Variants in TTC7A observed in about 807,000 individuals in gnomAD.
TTC7A encodes the protein tetratricopeptide repeat protein 7A.
TTC7A carries 110 observed loss-of-function variants against 103.7 expected under a neutral mutation model. That is an observed-to-expected ratio of 1.06 (90% CI 0.91 to 1.24). The LOEUF (loss-of-function observed/expected upper bound fraction) is 1.24. Ranked by LOEUF, TTC7A falls within the 50% of genes most tolerant of loss-of-function variation. TTC7A has a pLI of 0.00. For synonymous variants in TTC7A, 521 were observed against 467.9 expected (o/e 1.11, Z -1.47); for missense variants, 1,340 against 1,116.3 (o/e 1.20, Z -2.86).
chr2:46,949,194 G>A (rs1167946328), intron 1 of TTC7A, among the ~76,000 whole-genome samples: 1 of 152,190 alleles, frequency 6.6e-6, no homozygotes, highest in African/African-American at 2.4e-5. Flanking sequence ...CGAGTTTTCA[G>A]TGTGGTAAAG....
Position 46,941,600 on chromosome 2 carries a change from GC to G in TTC7A, c.61del (p.Arg21AlafsTer19), listed in dbSNP as rs1326014445. The part of the protein sequence containing the change: ...YLKVESELER[C>X]RAEGHWDRMP... ...AAGGTGGAGAGCGAGCTGGAGCGCTGCCGCGCCGAGGGCCACTGGGACCGCA... is the reference window on the plus strand; with the variant it reads ...AAGGTGGAGAGCGAGCTGGAGCGCTGCGCGCCGAGGGCCACTGGGACCGCA... On this transcript the variant is annotated frameshift_variant, in exon 1 of 20. Coordinates refer to ENST00000319190, the MANE Select transcript of TTC7A (RefSeq NM_020458.4). LOFTEE classifies it high-confidence loss of function. The surrounding 1 kb of genome is among the most constrained non-coding windows in gnomAD (Gnocchi z 4.2). 6.4e-7 allele frequency: 1 copy of G among 1,556,812 alleles called. No individual in the cohort carries two copies. Among genetic ancestry groups the G allele is most frequent in the African/African-American group, 1.4e-5 (1 of 73,416 alleles).
chr2:46,946,172 C>T (rs1670922392), intron 1 of TTC7A, among the ~76,000 whole-genome samples: 1 of 152,048 alleles, frequency 6.6e-6, no homozygotes, highest in Non-Finnish European at 1.5e-5. Context: ...GTAAATGGGG[C>T]TTTGGGGCTT....
rs1675152486 is a variant in TTC7A, at chr2:46,987,654, G to A, written c.765-5796G>A. ...GAACCAGGTGGGCAGCAGGTTTTGT[G>A]CTTGTTCTTTTAATTTTGTTTTAAT... On this transcript the variant is annotated intron_variant, in intron 5 of 19. Transcript: ENST00000319190. Among the ~76,000 whole-genome samples, 4 of 152,198 alleles carry A rather than the reference G, an allele frequency of 2.6e-5. No homozygotes were observed. The South Asian group carries it at 8.3e-4, about 31-fold the overall frequency.
At chr2:46,939,658 T>C (rs576766471), upstream of TTC7A, among the ~76,000 whole-genome samples, 3 of 152,266 alleles carry the variant, frequency 2.0e-5, no homozygotes, top group East Asian at 5.8e-4. Flanking sequence ...CTCCCTCTTA[T>C]CAACCCTGCT....
chr2:46,972,291 C>G (rs1204645946), intron 3 of TTC7A, among the ~76,000 whole-genome samples: 1 of 150,466 alleles, frequency 6.6e-6, no homozygotes, highest in Non-Finnish European at 1.5e-5. Flanking sequence ...TTCTGTGTTT[C>G]TTACAGATTG....
intron 2 of TTC7A, among the ~76,000 whole-genome samples, chr2:46,930,965 CCAATGAAGA>C (rs1390059173): frequency 3.0e-4 from 45 of 152,138 alleles, no homozygotes; most frequent in African/African-American, 1.1e-3. Context: ...TGACCAAAAG[CCAATGAAGA>C]CAGTTCCAGA....
rs1014646586 is a variant in TTC7A at position 47,075,644 on chromosome 2, G to C, written c.*1721G>C. The C allele has an allele frequency of 6.6e-6, 1 of 152,332 alleles. No homozygotes were observed. Among genetic ancestry groups the C allele is most frequent in the Non-Finnish European group, 1.5e-5 (1 of 68,092 alleles). The allele number at this position is 152,332 out of a possible 1,614,324, so 9.4% of individuals were successfully genotyped here. On this transcript the variant is annotated 3_prime_UTR_variant, in exon 20 of 20. Coordinates refer to ENST00000319190, the MANE Select transcript of TTC7A (RefSeq NM_020458.4). ...GCCCTGGACAGGAGGGGCTGTTGCA[G>C]GATGAGGGAGGCCAGAGAAGGCATC... is the stretch of plus-strand genomic sequence containing the variant.
At chr2:46,947,572 C>T (rs1044193423) in intron 1 of TTC7A, among the ~76,000 whole-genome samples, 1 of 152,102 alleles carries the variant, frequency 6.6e-6, no homozygotes, top group Non-Finnish European at 1.5e-5. Flanking sequence ...AAAAAATTAG[C>T]TGGGTGTGGT....
chr2:46,980,445 C>T (rs1200869577), intron 5 of TTC7A, among the ~76,000 whole-genome samples: 1 of 152,144 alleles, frequency 6.6e-6, no homozygotes, highest in Non-Finnish European at 1.5e-5. Context: ...CTCTTGGACT[C>T]AAGTGATCCT....
intron 15 of TTC7A, among the ~76,000 whole-genome samples, chr2:47,030,740 G>T (rs932656166): frequency 5.3e-5 from 8 of 152,100 alleles, no homozygotes; most frequent in Admixed American, 5.2e-4. Context: ...GCCTAGGCAG[G>T]TCCCCACTGC....
chr2:46,954,036 G>A (rs1452149097), intron 2 of TTC7A, among the ~76,000 whole-genome samples: 1 of 152,034 alleles, frequency 6.6e-6, no homozygotes. Context: ...ATGCTCTAAT[G>A]CTGTCTCTCA....
rs118121352 is a variant in TTC7A at position 46,965,743 on chromosome 2, A to G, written c.517+8736A>G. 3.4e-3 allele frequency among the ~76,000 whole-genome samples: 522 copies of G among 151,918 alleles called. 19 individuals carry two copies. The East Asian group carries it at 0.085, about 25-fold the overall frequency. Reference sequence around the variant, plus strand: ...TACCCTGCTAATTTTTTGTATTTTCAGTAGAGATGGGGTTTCGCAATGTTA... The same window carrying G: ...TACCCTGCTAATTTTTTGTATTTTCGGTAGAGATGGGGTTTCGCAATGTTA... On this transcript the variant is annotated intron_variant, in intron 3 of 19. Transcript: ENST00000319190.
At chr2:47,067,248 C>G (rs1558647911) in intron 19 of TTC7A, among the ~76,000 whole-genome samples, 1 of 152,236 alleles carries the variant, frequency 6.6e-6, no homozygotes, top group Non-Finnish European at 1.5e-5. Context: ...ATAATCTAGA[C>G]TCTCTTGTGA....
rs996834913 is a variant in TTC7A, at chr2:46,983,616, G to A, written c.764+4709G>A. 1.3e-5 allele frequency among the ~76,000 whole-genome samples: 2 copies of A among 152,326 alleles called. 1 individual carries two copies. Among genetic ancestry groups the A allele is most frequent in the South Asian group, 4.1e-4 (2 of 4,830 alleles). The stretch of plus-strand genomic sequence containing the variant: ...AACTCCTCAGTGACTTATGAAGCCC[G>A]GCACGGACCTGGGGCAGTTGTGCCT... On this transcript the variant is annotated intron_variant, in intron 5 of 19. Coordinates refer to ENST00000319190, the MANE Select transcript of TTC7A (RefSeq NM_020458.4).
chr2:47,018,791 T>C (rs554216845), intron 11 of TTC7A, among the ~76,000 whole-genome samples: 1 of 152,220 alleles, frequency 6.6e-6, no homozygotes, highest in East Asian at 1.9e-4. Flanking sequence ...CAGCACCTCA[T>C]CCAGGGAGAG....
intron 3 of TTC7A, among the ~76,000 whole-genome samples, chr2:46,971,754 T>C (rs1158588908): frequency 6.6e-6 from 1 of 152,086 alleles, no homozygotes; most frequent in Non-Finnish European, 1.5e-5. Context: ...ATTCTTCCAT[T>C]ATACATCTCT....
intron 4 of TTC7A, among the ~76,000 whole-genome samples, chr2:46,976,992 C>CTAGACAGTAG (rs1212889226): frequency 6.6e-6 from 1 of 152,204 alleles, no homozygotes; most frequent in African/African-American, 2.4e-5. Flanking sequence ...TGGGTCACTG[C>CTAGACAGTAG]TAGACAGTAG....
chr2:46,962,805 G>A (rs1001331503), intron 3 of TTC7A, among the ~76,000 whole-genome samples: 2 of 152,182 alleles, frequency 1.3e-5, no homozygotes, highest in African/African-American at 4.8e-5. Flanking sequence ...CTTCTGGGCA[G>A]CCCACCCCCT....
chr2:47,008,878 C>T (rs1251172857), intron 10 of TTC7A, among the ~76,000 whole-genome samples: 1 of 149,782 alleles, frequency 6.7e-6, no homozygotes, highest in African/African-American at 2.5e-5. Context: ...ATTGCATTGG[C>T]TGTGTTGCTA....
Sources: gnomAD v4.1 joint callset for allele counts (sites outside exome capture counted in the v4.1 genomes callset) on GRCh38, gnomAD v4.1.1 for gene constraint, Gnocchi (gnomAD v3.1) non-coding constraint, MANE v1.5 for transcripts, NCBI Gene and HGNC (gene_info 2026-07-23, HGNC 2026-07-21) for gene names.